CCDC60: variants seen among roughly 807,000 people sequenced by gnomAD.
CCDC60 encodes coiled-coil domain containing 60.
CCDC60 carries 54 observed loss-of-function variants against 63.5 expected under a neutral mutation model. That is an observed-to-expected ratio of 0.85 (90% CI 0.68 to 1.07). CCDC60 has a LOEUF of 1.07. Ranked by LOEUF, CCDC60 falls within the 50% of genes least tolerant of loss-of-function variation. CCDC60 has a pLI of 0.00. For missense variants in CCDC60, 651 were observed against 684.3 expected (o/e 0.95, Z 0.54); for synonymous variants, 206 against 238.8 (o/e 0.86, Z 1.27).
chr12:119,426,994 A>G lies in CCDC60; in HGVS notation c.91-1689A>G, dbSNP rs116782753. Among the ~76,000 whole-genome samples the G allele has an allele frequency of 9.0e-3, 1,376 of 152,270 alleles. 23 individuals are homozygous for G. Among genetic ancestry groups the G allele is most frequent in the African/African-American group, 0.031 (1,287 of 41,554 alleles). On this transcript the variant is annotated intron_variant, in intron 1 of 13. Coordinates refer to ENST00000327554, the MANE Select transcript of CCDC60 (RefSeq NM_178499.5). ...AACACTTTGCCTCCTCCCACACATC[A>G]ATATTGGGATTTCTGTTAGTGAGCA...
At chr12:119,529,694 A>C (rs1238313995) in intron 12 of CCDC60, among the ~76,000 whole-genome samples, 1 of 152,192 alleles carries the variant, frequency 6.6e-6, no homozygotes, top group East Asian at 1.9e-4. Context: ...CCCTGAAGAT[A>C]CATGAGTCTT....
At chr12:119,369,748 C>T (rs1042435316) in intron 1 of CCDC60, among the ~76,000 whole-genome samples, 1 of 152,062 alleles carries the variant, frequency 6.6e-6, no homozygotes, top group African/African-American at 2.4e-5. Context: ...AGCAGCATCC[C>T]GTATGTTGTG....
intron 2 of CCDC60, among the ~76,000 whole-genome samples, chr12:119,437,533 G>A (rs573326794): frequency 4.6e-5 from 7 of 152,270 alleles, no homozygotes; most frequent in African/African-American, 1.4e-4. Flanking sequence ...GAGTATGAGG[G>A]ACCAGCAGGA....
At chr12:119,484,425 T>C (rs1275206893) in intron 4 of CCDC60, among the ~76,000 whole-genome samples, 2 of 152,134 alleles carry the variant, frequency 1.3e-5, no homozygotes, top group South Asian at 2.1e-4. Context: ...GTATAAGAAT[T>C]GTGCTCAAGT....
intron 3 of CCDC60, among the ~76,000 whole-genome samples, chr12:119,477,079 T>G (rs1417982380): frequency 1.3e-5 from 2 of 152,190 alleles, no homozygotes; most frequent in Non-Finnish European, 2.9e-5. Context: ...TCACTCACAT[T>G]GGTGGCAAGT....
intron 5 of CCDC60, 86 bp downstream of exon 5, chr12:119,488,952 T>G: frequency 8.9e-7 from 1 of 1,129,596 alleles, no homozygotes; most frequent in South Asian, 1.3e-5. Flanking sequence ...CCACTCCCTT[T>G]GCTGTTTTTG....
chr12:119,483,538 G>A (rs918617018), intron 4 of CCDC60, among the ~76,000 whole-genome samples: 1 of 152,238 alleles, frequency 6.6e-6, no homozygotes, highest in Non-Finnish European at 1.5e-5. Flanking sequence ...GGGCAGCAAG[G>A]GCAATGCCTG....
At chr12:119,407,132 C>G (rs1956507562) in intron 1 of CCDC60, among the ~76,000 whole-genome samples, 1 of 152,078 alleles carries the variant, frequency 6.6e-6, no homozygotes. Flanking sequence ...AATGTCCCAT[C>G]CAGGTGGGGT....
At chr12:119,527,838 G>C (rs189340720) in intron 11 of CCDC60, among the ~76,000 whole-genome samples, 5 of 151,450 alleles carry the variant, frequency 3.3e-5, no homozygotes, top group African/African-American at 9.7e-5. Flanking sequence ...CACCACGCCC[G>C]GCTAATTTTT....
At chr12:119,377,938 A>G (rs961945280) in intron 1 of CCDC60, among the ~76,000 whole-genome samples, 1 of 152,328 alleles carries the variant, frequency 6.6e-6, no homozygotes, top group East Asian at 1.9e-4. Flanking sequence ...TTAAGAGCAG[A>G]GGTTTCATAG....
chr12:119,450,888 T>G (rs1171974139), intron 2 of CCDC60, among the ~76,000 whole-genome samples: 6 of 121,540 alleles, frequency 4.9e-5, no homozygotes, highest in African/African-American at 9.3e-5. Flanking sequence ...GAGAGAGAGA[T>G]AAGACAAATC....
intron 7 of CCDC60, among the ~76,000 whole-genome samples, chr12:119,510,701 T>A (rs1284903810): frequency 6.6e-6 from 1 of 152,160 alleles, no homozygotes; most frequent in Admixed American, 6.5e-5. Context: ...CTTCCCCCAC[T>A]TTCTTCTGTG....
chr12:119,488,505 G>A (rs1951509751), intron 4 of CCDC60, among the ~76,000 whole-genome samples: 1 of 152,108 alleles, frequency 6.6e-6, no homozygotes, highest in Admixed American at 6.5e-5. Context: ...TCACCTACTG[G>A]CCTGGTGACC....
At chr12:119,395,454 A>G (rs992397707) in intron 1 of CCDC60, among the ~76,000 whole-genome samples, 1 of 152,176 alleles carries the variant, frequency 6.6e-6, no homozygotes, top group African/African-American at 2.4e-5. Flanking sequence ...TGGGGAAGAG[A>G]GAGAAAGAGT....
intron 4 of CCDC60, among the ~76,000 whole-genome samples, chr12:119,482,692 G>C (rs1028644985): frequency 5.3e-5 from 8 of 152,142 alleles, no homozygotes; most frequent in Admixed American, 2.0e-4. Flanking sequence ...CCTCGACATG[G>C]AGTGGCTTAA....
At chr12:119,389,649 C>G (rs1956122108) in intron 1 of CCDC60, among the ~76,000 whole-genome samples, 1 of 152,136 alleles carries the variant, frequency 6.6e-6, no homozygotes, top group Admixed American at 6.5e-5. Flanking sequence ...AGAAAAGAAG[C>G]AAGTAGAGTG....
At chr12:119,433,348 T>G in intron 2 of CCDC60, 1 of 698,092 alleles carries the variant, frequency 1.4e-6, no homozygotes, top group Non-Finnish European at 2.6e-6. Context: ...CATTAAATGT[T>G]AAAGCTGAGA....
chr12:119,380,703 A>G (rs1955999627), intron 1 of CCDC60, among the ~76,000 whole-genome samples: 1 of 152,182 alleles, frequency 6.6e-6, no homozygotes, highest in African/African-American at 2.4e-5. Context: ...AGAAAGTCTC[A>G]ATTTAGTGCT....
In CCDC60 at chr12:119,439,545, A is replaced by C. The variant is rs573893228; in HGVS notation, c.170+10783A>C. 1.3e-5 allele frequency among the ~76,000 whole-genome samples: 2 copies of C among 152,334 alleles called. 1 individual carries two copies. Among genetic ancestry groups the C allele is most frequent in the South Asian group, 4.1e-4 (2 of 4,820 alleles). ...CAACAATGCTGACCTCTGTTCTCCC[A>C]AGTCATGAACAGAGAGAGCCAATGA... On this transcript the variant is annotated intron_variant, in intron 2 of 13. Coordinates refer to ENST00000327554, the MANE Select transcript of CCDC60 (RefSeq NM_178499.5).
Sources: gnomAD v4.1 joint callset for allele counts (sites outside exome capture counted in the v4.1 genomes callset) on GRCh38, gnomAD v4.1.1 for gene constraint, MANE v1.5 for transcripts, NCBI Gene and HGNC (gene_info 2026-07-23, HGNC 2026-07-21) for gene names.